SEPTIN9: variants seen among roughly 807,000 people sequenced by gnomAD.
SEPTIN9 encodes the protein septin 9.
In SEPTIN9, 13 loss-of-function variants were observed where a neutral mutation model predicts 56.6. That is an observed-to-expected ratio of 0.23 (90% CI 0.15 to 0.37). SEPTIN9 has a LOEUF of 0.37. SEPTIN9 is among the 10% of genes least tolerant of loss of function. The pLI is 1.00. For synonymous variants in SEPTIN9, 332 were observed against 334.1 expected (o/e 0.99, Z 0.07); for missense variants, 650 against 823.1 (o/e 0.79, Z 2.57).
At chr17:77,376,157 C>G (rs943104673) in intron 2 of SEPTIN9, 1 of 986,946 alleles carries the variant, frequency 1.0e-6, no homozygotes, top group African/African-American at 1.7e-5. Flanking sequence ...TTCTGGCCAG[C>G]AGCAGCCAGC....
rs372010428 is a variant in SEPTIN9, at chr17:77,348,428, AT to A, written c.76+41232del. ...ATTCTCCTGCCTCAGCTTCCCTAGT[AT>A]ACTGGGATTACAGACGCCTGCCACC... On this transcript the variant is annotated intron_variant, in intron 2 of 11. Coordinates refer to ENST00000427177, the MANE Select transcript of SEPTIN9 (RefSeq NM_001113491.2). Among the ~76,000 whole-genome samples, 497 of 149,374 alleles carry A rather than the reference AT, an allele frequency of 3.3e-3. 3 individuals carry two copies. Among genetic ancestry groups the A allele is most frequent in the African/African-American group, 0.012 (470 of 40,522 alleles).
At chr17:77,320,081 GTT>G in intron 2 of SEPTIN9, 1 of 1,420,738 alleles carries the variant, frequency 7.0e-7, no homozygotes. Context: ...TTTTCCTCCC[GTT>G]TTGAAGAGAC....
intron 2 of SEPTIN9, among the ~76,000 whole-genome samples, chr17:77,308,620 C>T (rs549841108): frequency 7.2e-5 from 11 of 152,330 alleles, no homozygotes; most frequent in African/African-American, 2.2e-4. Context: ...CTTATATCTA[C>T]GTGTGGCTAG....
At position 77,389,957 on chromosome 17, in the gene SEPTIN9, C is replaced by T. The variant is rs992297144; in HGVS notation, c.77-12102C>T. Among the ~76,000 whole-genome samples the T allele has an allele frequency of 1.3e-5, 2 of 152,038 alleles. No homozygotes were observed. The highest frequency in any genetic ancestry group is 6.6e-5 in the Admixed American group (1 of 15,266). ...GAAAAGAGGAAGTCCAGCAACTTAGCGCCACTTTAAAGTCCGCCTGGAATG... is the reference window on the plus strand; with the variant it reads ...GAAAAGAGGAAGTCCAGCAACTTAGTGCCACTTTAAAGTCCGCCTGGAATG... On this transcript the variant is annotated intron_variant, in intron 2 of 11. Coordinates refer to ENST00000427177, the MANE Select transcript of SEPTIN9 (RefSeq NM_001113491.2). This position sits in a 1 kb window ranked among gnomAD's most constrained non-coding sequence, Gnocchi z 4.3.
Position 77,489,013 on chromosome 17 carries a change from T to C in SEPTIN9, c.1262+149T>C, listed in dbSNP as rs1003295242. On this transcript the variant is annotated intron_variant, in intron 7 of 11. Transcript: ENST00000427177. ...GCCGCCAGCTATGAAGTTGGGGGTG[T>C]GCCATGTCTGCACCTCCAAAGCCTC... The C allele has an allele frequency of 1.8e-5, 18 of 973,388 alleles. No individual in the cohort carries two copies. The South Asian group carries it at 2.9e-4, about 16-fold the overall frequency. The allele number at this position is 973,388 out of a possible 1,614,324, so 60.3% of individuals were successfully genotyped here. A position where few individuals can be genotyped will look rare whatever the true frequency, so the allele number is the denominator to read the frequency against.
chr17:77,343,027 ATCTATCTATC>A (rs955607069), intron 2 of SEPTIN9, among the ~76,000 whole-genome samples: 3 of 150,384 alleles, frequency 2.0e-5, no homozygotes, highest in African/African-American at 7.5e-5. Flanking sequence ...CTATCTATCT[ATCTATCTATC>A]TATCTAGTCT....
Position 77,389,105 on chromosome 17 carries a change from G to A in SEPTIN9, c.77-12954G>A, listed in dbSNP as rs1167605943. Among the ~76,000 whole-genome samples, 1 of 152,160 alleles carries A rather than the reference G, an allele frequency of 6.6e-6. No homozygotes were observed. Among genetic ancestry groups the A allele is most frequent in the Non-Finnish European group, 1.5e-5 (1 of 68,020 alleles). On this transcript the variant is annotated intron_variant, in intron 2 of 11. Coordinates refer to ENST00000427177, the MANE Select transcript of SEPTIN9 (RefSeq NM_001113491.2). This position sits in a 1 kb window ranked among gnomAD's most constrained non-coding sequence, Gnocchi z 4.3. ...GGTCCGGGTCCTGGTCCCCGGCAGAGCTTCCCATCCATGGGAAGAAGCACC... is the reference window on the plus strand; with the variant it reads ...GGTCCGGGTCCTGGTCCCCGGCAGAACTTCCCATCCATGGGAAGAAGCACC...
chr17:77,347,305 G>A (rs1017296297), intron 2 of SEPTIN9, among the ~76,000 whole-genome samples: 1 of 151,638 alleles, frequency 6.6e-6, no homozygotes, highest in African/African-American at 2.4e-5. Flanking sequence ...TTGAACCCAG[G>A]AGGTGGAGGT....
intron 8 of SEPTIN9, among the ~76,000 whole-genome samples, chr17:77,491,400 G>A (rs73377537): frequency 0.011 from 1,686 of 152,006 alleles, 14 homozygotes; most frequent in South Asian, 0.036. Context: ...GTTTTGCCAT[G>A]TTGCCCAGGC....
rs749749777 is a variant in SEPTIN9 at position 77,437,482 on chromosome 17, A to T, written c.721+34779A>T. ...ACGGAGAAGCCAGGGGATGGCTCTC[A>T]GTACTCTCGGGGGTCTCTCAGTGAG... On this transcript the variant is annotated intron_variant, in intron 3 of 11. Transcript: ENST00000427177. The surrounding 1 kb of genome is among the most constrained non-coding windows in gnomAD (Gnocchi z 5.3). Among the ~76,000 whole-genome samples the T allele has an allele frequency of 6.6e-6, 1 of 151,736 alleles. No individual in the cohort carries two copies. Among genetic ancestry groups the T allele is most frequent in the African/African-American group, 2.4e-5 (1 of 41,258 alleles).
rs78745349 is a variant in SEPTIN9 at position 77,402,250 on chromosome 17, C to T, written c.268C>T (p.Leu90=). ...SLSQRSPKAS[L]RRVELSGPKA... ...AAGCCAACGCTCCCCCAAGGCGTCC[C>T]TGCGGAGGGTGGAGCTCTCGGGCCC... Residue 90 remains leucine (L), a synonymous_variant, in exon 3 of 12, where the codon CTG becomes TTG. Coordinates refer to ENST00000427177, the MANE Select transcript of SEPTIN9 (RefSeq NM_001113491.2). This position sits in a 1 kb window ranked among gnomAD's most constrained non-coding sequence, Gnocchi z 6.6. 4.8e-4 allele frequency: 778 copies of T among 1,613,236 alleles called. 5 individuals are homozygous for T. The highest frequency in any genetic ancestry group is 4.8e-3 in the Middle Eastern group (29 of 6,062).
chr17:77,424,114 C>T (rs771435472), intron 3 of SEPTIN9, among the ~76,000 whole-genome samples: 15 of 152,272 alleles, frequency 9.9e-5, no homozygotes, highest in South Asian at 2.1e-4. Flanking sequence ...CCACTTACTG[C>T]GTCCTGACGT....
rs1413891780 is a variant in SEPTIN9 at position 77,456,165 on chromosome 17, G to A, written c.722-25979G>A. 7.1e-6 allele frequency among the ~76,000 whole-genome samples: 1 copy of A among 141,712 alleles called. No individual in the cohort carries two copies. The highest frequency in any genetic ancestry group is 2.5e-4 in the East Asian group (1 of 4,038). The allele number at this position is 141,712 out of a possible 152,430, so 93.0% of individuals were successfully genotyped here. On this transcript the variant is annotated intron_variant, in intron 3 of 11. Coordinates refer to ENST00000427177, the MANE Select transcript of SEPTIN9 (RefSeq NM_001113491.2). The surrounding 1 kb of genome is among the most constrained non-coding windows in gnomAD (Gnocchi z 6.0). ...GGACAGTGGCCCCATTGAGTGGGAG[G>A]GAGAATCGCTGCTGTCTGTAGCTGG...
intron 2 of SEPTIN9, among the ~76,000 whole-genome samples, chr17:77,396,430 C>T (rs1471480609): frequency 2.0e-5 from 3 of 152,330 alleles, no homozygotes; most frequent in East Asian, 3.9e-4. Context: ...CGAACACTCT[C>T]GCTTCTGTGG....
chr17:77,411,598 C>T (rs1285078784), intron 3 of SEPTIN9, among the ~76,000 whole-genome samples: 1 of 151,070 alleles, frequency 6.6e-6, no homozygotes, highest in African/African-American at 2.4e-5. Flanking sequence ...GACGGGGTTT[C>T]ACCATGTTGG....
chr17:77,318,859 G>C lies in SEPTIN9; in HGVS notation c.76+11662G>C, dbSNP rs1218934742. On this transcript the variant is annotated intron_variant, in intron 2 of 11. Transcript: ENST00000427177. The surrounding 1 kb of genome is among the most constrained non-coding windows in gnomAD (Gnocchi z 4.9). ...TAACTCACCTGGCTCTGTGGGGCAG[G>C]GATTGTAAACTCAGAGGCCTGCGGG... Among the ~76,000 whole-genome samples the C allele has an allele frequency of 1.3e-5, 2 of 152,194 alleles. No homozygotes were observed. The highest frequency in any genetic ancestry group is 2.9e-5 in the Non-Finnish European group (2 of 68,038).
At chr17:77,473,378 G>T (rs780959750) in intron 3 of SEPTIN9, among the ~76,000 whole-genome samples, 3 of 151,844 alleles carry the variant, frequency 2.0e-5, no homozygotes, top group Admixed American at 6.6e-5. Flanking sequence ...AAGTTTGTTT[G>T]TTTTTTTTAA....
At chr17:77,478,314 CTG>C (rs1214260759) in intron 3 of SEPTIN9, among the ~76,000 whole-genome samples, 2 of 152,222 alleles carry the variant, frequency 1.3e-5, no homozygotes, top group East Asian at 1.9e-4. Flanking sequence ...TGTGAACACA[CTG>C]TGGCAATTCC....
At chr17:77,361,932 A>G (rs1053427159) in intron 2 of SEPTIN9, among the ~76,000 whole-genome samples, 45 of 152,274 alleles carry the variant, frequency 3.0e-4, no homozygotes, top group African/African-American at 1.0e-3. Context: ...GCGCCCGGCC[A>G]AGTGGTCAGT....
Sources: allele counts gnomAD v4.1 joint callset (sites outside exome capture counted in the v4.1 genomes callset), GRCh38; gene constraint gnomAD v4.1.1; non-coding constraint Gnocchi (gnomAD v3.1); transcripts MANE v1.5; gene names NCBI Gene and HGNC (gene_info 2026-07-23, HGNC 2026-07-21).